The following ERMP1 variants were observed in gnomAD, a reference collection of about 807,000 sequenced individuals.
ERMP1 encodes the protein endoplasmic reticulum metallopeptidase 1, also known as Felix-ina.
ERMP1 carries 86 observed loss-of-function variants against 92.0 expected under a neutral mutation model. That is an observed-to-expected ratio of 0.93 (90% CI 0.79 to 1.12). The LOEUF (loss-of-function observed/expected upper bound fraction) is 1.12. Ranked by LOEUF, ERMP1 falls within the 50% of genes most tolerant of loss-of-function variation. The pLI is 0.00. For synonymous variants in ERMP1, 530 were observed against 412.8 expected (o/e 1.28, Z -3.44); for missense variants, 1,342 against 1,116.3 (o/e 1.20, Z -2.88).
chr9:5,786,286 A>G lies in ERMP1; in HGVS notation c.*858T>C, dbSNP rs1262428524. On this transcript the variant is annotated 3_prime_UTR_variant, in exon 15 of 15. Coordinates refer to ENST00000339450, the MANE Select transcript of ERMP1 (RefSeq NM_024896.3). Reference sequence around the variant, plus strand: ...ACTCCCAGCCTTCCTTCTACCCCAGAATAGCCCAGATGGCAGCTCAGTGCT... The same window carrying G: ...ACTCCCAGCCTTCCTTCTACCCCAGGATAGCCCAGATGGCAGCTCAGTGCT... 3 of 152,244 alleles carry G rather than the reference A, an allele frequency of 2.0e-5. No individual in the cohort carries two copies. The highest frequency in any genetic ancestry group is 4.4e-5 in the Non-Finnish European group (3 of 68,072). 9.4% of individuals were successfully genotyped at this position (152,244 alleles called of 1,614,324 possible).
chr9:5,850,515 C>A (rs1413860163), intron 6 of ERMP1, among the ~76,000 whole-genome samples: 6 of 150,336 alleles, frequency 4.0e-5, no homozygotes, highest in African/African-American at 1.5e-4. Context: ...GCTGAGGAAA[C>A]TGAATGTTTA....
chr9:5,834,586 G>C (rs1830059704), upstream of ERMP1, among the ~76,000 whole-genome samples: 1 of 152,152 alleles, frequency 6.6e-6, no homozygotes, highest in Non-Finnish European at 1.5e-5. Context: ...ATCCCTTTCA[G>C]TCTGTAAGCA....
intron 6 of ERMP1, among the ~76,000 whole-genome samples, chr9:5,841,497 G>A (rs1413177871): frequency 6.6e-6 from 1 of 152,166 alleles, no homozygotes; most frequent in Non-Finnish European, 1.5e-5. Flanking sequence ...TTCCTTTCTG[G>A]GTGAAGAAAA....
chr9:5,811,184 T>G lies in ERMP1; in HGVS notation c.1254A>C (p.Ser418=). The stretch of plus-strand genomic sequence containing the variant: ...CCATTACCACCATGTAGTTTATGAT[T>G]GAGCCAATACGAGAGGGGTAGGCAA... ...FVIAYPSRIG[S]IINYMVVMGV... The change falls in exon 7 of 15, where the codon TCA becomes TCC. Residue 418 remains serine, a synonymous_variant. Transcript: ENST00000339450. 1 of 1,614,106 alleles carries G rather than the reference T, an allele frequency of 6.2e-7. No individual in the cohort carries two copies. The highest frequency in any genetic ancestry group is 8.5e-7 in the Non-Finnish European group (1 of 1,179,984).
intron 13 of ERMP1, among the ~76,000 whole-genome samples, chr9:5,789,935 C>T (rs1053433115): frequency 2.6e-5 from 4 of 151,684 alleles, no homozygotes; most frequent in South Asian, 2.1e-4. Context: ...CCTCCTGCCT[C>T]AACCTCCCAA....
chr9:5,807,788 C>T (rs1331408273), intron 8 of ERMP1, among the ~76,000 whole-genome samples: 1 of 151,958 alleles, frequency 6.6e-6, no homozygotes, highest in Non-Finnish European at 1.5e-5. Context: ...TCAAATGTTG[C>T]CATCTCAGCC....
At chr9:5,832,488 G>C (rs1322713249) in intron 1 of ERMP1, 1 of 477,554 alleles carries the variant, frequency 2.1e-6, no homozygotes, top group Non-Finnish European at 3.7e-6. Context: ...AGCTTAACCG[G>C]GGACAGGCAA....
At chr9:5,833,335 A>G (rs534153783), upstream of ERMP1, among the ~76,000 whole-genome samples, 3 of 152,364 alleles carry the variant, frequency 2.0e-5, no homozygotes, top group South Asian at 6.2e-4. Flanking sequence ...AACGAGAAAA[A>G]TGAGAGATCG....
rs191018035 is a variant in ERMP1 at position 5,857,504 on chromosome 9, G to A, written n.3199+1964C>T. Among the ~76,000 whole-genome samples the A allele has an allele frequency of 5.9e-5, 9 of 152,280 alleles. No individual in the cohort carries two copies. In the East Asian group the frequency reaches 7.7e-4, roughly 13 times the overall value. The stretch of plus-strand genomic sequence containing the variant: ...TACAAATAGATTTTAGTGAGTAGAC[G>A]AATTTGCAAATATAGAATCTGCAAA... On this transcript the variant is annotated intron_variant and non_coding_transcript_variant, in intron 6 of 6. Transcript: ENST00000690753.
chr9:5,838,829 T>C (rs973820110), intron 6 of ERMP1, among the ~76,000 whole-genome samples: 2 of 151,708 alleles, frequency 1.3e-5, no homozygotes, highest in African/African-American at 4.8e-5. Flanking sequence ...AAAATGGAAA[T>C]AGATAAGAAT....
intron 6 of ERMP1, among the ~76,000 whole-genome samples, chr9:5,843,780 C>G (rs1333542001): frequency 6.6e-6 from 1 of 152,212 alleles, no homozygotes; most frequent in African/African-American, 2.4e-5. Flanking sequence ...CTCTCTCATC[C>G]CCATCCCCTA....
rs375663214 is a variant in ERMP1, at chr9:5,811,284, G to C, written c.1154C>G (p.Ser385Cys). The C allele has an allele frequency of 3.2e-5, 52 of 1,613,030 alleles. No individual in the cohort carries two copies. In the East Asian group the frequency reaches 4.0e-4, roughly 12 times the overall value. The stretch of plus-strand genomic sequence containing the variant: ...CTTAGAAGCAGCAGCCAGCATATCA[G>C]ATGTAGCTAGATGCTTAAGAACTGC... Reference protein sequence around the residue: ...ILAVLKHLATSDMLAAASKYR... With the variant: ...ILAVLKHLATCDMLAAASKYR... Residue 385 changes from serine to cysteine, a missense_variant, in exon 7 of 15, where the codon TCT (serine) becomes TGT (cysteine). Coordinates refer to ENST00000339450, the MANE Select transcript of ERMP1 (RefSeq NM_024896.3).
intron 7 of ERMP1, among the ~76,000 whole-genome samples, chr9:5,810,636 A>G (rs1337333118): frequency 7.2e-5 from 11 of 152,246 alleles, no homozygotes. Context: ...GAGTGTGGGG[A>G]AAATAAGCGT....
At chr9:5,812,271 G>A in intron 5 of ERMP1, 54 bp from the exon 6 acceptor site, 3 of 1,028,692 alleles carry the variant, frequency 2.9e-6, no homozygotes, top group South Asian at 3.0e-5. Flanking sequence ...GATCAACCTT[G>A]CTTTCGACCT....
intron 6 of ERMP1, 143 bp from the exon 7 acceptor site, chr9:5,811,466 TGAACA>T (rs1829092872): frequency 8.9e-6 from 6 of 672,294 alleles, no homozygotes; most frequent in South Asian, 8.7e-5. Context: ...AGAAAGAATG[TGAACA>T]GAAATCGCTT....
chr9:5,838,194 A>C (rs565111986), intron 6 of ERMP1, among the ~76,000 whole-genome samples: 16 of 152,326 alleles, frequency 1.1e-4, no homozygotes, highest in African/African-American at 3.6e-4. Flanking sequence ...GGAGGACTAC[A>C]TATTGAAAAG....
At chr9:5,797,073 C>T (rs1192527530) in intron 13 of ERMP1, among the ~76,000 whole-genome samples, 1 of 152,010 alleles carries the variant, frequency 6.6e-6, no homozygotes, top group Non-Finnish European at 1.5e-5. Context: ...CAGGGTCTTG[C>T]TCTGTCACCC....
In ERMP1 at chr9:5,847,073, A is replaced by C. The variant is rs184753108; in HGVS notation, n.3199+12395T>G. The stretch of plus-strand genomic sequence containing the variant: ...CAGCCCATAGGCAGCCCTCAGCTAC[A>C]AAGAATGCCCAGGGGATGGAGGGAA... On this transcript the variant is annotated intron_variant and non_coding_transcript_variant, in intron 6 of 6. Transcript: ENST00000690753. Among the ~76,000 whole-genome samples the C allele has an allele frequency of 1.2e-3, 177 of 152,306 alleles. 3 individuals carry two copies. The highest frequency in any genetic ancestry group is 2.8e-4 in the Non-Finnish European group (19 of 68,026).
Position 5,810,002 on chromosome 9 carries a change from A to G in ERMP1, c.1548+9T>C. 1 of 1,555,676 alleles carries G rather than the reference A, an allele frequency of 6.4e-7. No individual in the cohort carries two copies. The highest frequency in any genetic ancestry group is 8.9e-7 in the Non-Finnish European group (1 of 1,128,680). ...CAGAAAGAAATCAACAAATATACCA[A>G]ACACTTACCATGTAATAAAATCTTT... On this transcript the variant is annotated intron_variant, in intron 8 of 14. Coordinates refer to ENST00000339450, the MANE Select transcript of ERMP1 (RefSeq NM_024896.3).
Sources: allele counts gnomAD v4.1 joint callset (sites outside exome capture counted in the v4.1 genomes callset), GRCh38; gene constraint gnomAD v4.1.1; transcripts MANE v1.5; gene names NCBI Gene and HGNC (gene_info 2026-07-23, HGNC 2026-07-21).